Variants in SNX29 observed in about 807,000 individuals in gnomAD.
The protein encoded by SNX29 is sorting nexin 29.
A neutral mutation model predicts 102.1 loss-of-function variants in SNX29; 78 were observed. The ratio of observed to expected loss-of-function variants is 0.76; its 90% CI spans 0.64 to 0.92. The LOEUF (loss-of-function observed/expected upper bound fraction) is 0.92, where lower values mean the gene tolerates loss of function less well. Among genes scored for constraint, SNX29 ranks in the 40% least tolerant of loss-of-function variants. The pLI is 0.00. For synonymous variants in SNX29, 580 were observed against 414.5 expected (o/e 1.40, Z -4.85); for missense variants, 1,280 against 1,061.7 (o/e 1.21, Z -2.86).
chr16:12,562,568 C>T (rs867314168), intron 20 of SNX29, among the ~76,000 whole-genome samples: 2 of 152,284 alleles, frequency 1.3e-5, no homozygotes, highest in Middle Eastern at 3.4e-3. Flanking sequence ...TCCCCGTGGT[C>T]CCTAGTTTTT....
At chr16:12,479,018 A>T (rs1387484415) in intron 19 of SNX29, among the ~76,000 whole-genome samples, 1 of 152,180 alleles carries the variant, frequency 6.6e-6, no homozygotes, top group Non-Finnish European at 1.5e-5. Context: ...CGGGCATTGT[A>T]TTGAGCATGA....
intron 12 of SNX29, among the ~76,000 whole-genome samples, chr16:12,127,464 C>G (rs2054267211): frequency 6.7e-6 from 1 of 148,700 alleles, no homozygotes; most frequent in African/African-American, 2.5e-5. Flanking sequence ...CTCTGTCACC[C>G]AGGCTGGAAT....
intron 17 of SNX29, among the ~76,000 whole-genome samples, chr16:12,402,420 A>G (rs749803130): frequency 5.3e-5 from 8 of 152,260 alleles, no homozygotes; most frequent in Admixed American, 3.9e-4. Flanking sequence ...AGGAGAGCTC[A>G]GGAGAAAGCA....
intron 20 of SNX29, among the ~76,000 whole-genome samples, chr16:12,563,052 G>A (rs67316342): frequency 0.26 from 39,654 of 151,836 alleles, 5,748 homozygotes; most frequent in East Asian, 0.44. Context: ...AGGTCACCTC[G>A]AAATGTAGGT....
intron 14 of SNX29, among the ~76,000 whole-genome samples, chr16:12,233,835 A>G (rs1165092543): frequency 4.6e-5 from 7 of 152,134 alleles, no homozygotes; most frequent in African/African-American, 1.7e-4. Flanking sequence ...TGGACACTTC[A>G]TATCAGTGGA....
chr16:12,219,931 T>C (rs918669859), intron 14 of SNX29, among the ~76,000 whole-genome samples: 1 of 152,174 alleles, frequency 6.6e-6, no homozygotes, highest in East Asian at 1.9e-4. Context: ...CACACACGTG[T>C]ACACACACGT....
At chr16:12,146,153 C>T (rs2141546677) in intron 13 of SNX29, among the ~76,000 whole-genome samples, 1 of 152,276 alleles carries the variant, frequency 6.6e-6, no homozygotes, top group South Asian at 2.1e-4. Context: ...CCAGTGTGAG[C>T]TTATAGATAA....
chr16:12,553,647 A>C (rs536431048), intron 20 of SNX29, among the ~76,000 whole-genome samples: 1 of 137,546 alleles, frequency 7.3e-6, no homozygotes, highest in Non-Finnish European at 1.5e-5. Flanking sequence ...CTGGAGTGCA[A>C]TGACGTGATC....
chr16:12,457,423 G>A (rs1410089673), intron 18 of SNX29, among the ~76,000 whole-genome samples: 1 of 152,160 alleles, frequency 6.6e-6, no homozygotes, highest in Non-Finnish European at 1.5e-5. Flanking sequence ...TTAGTGATTG[G>A]GAGGCATCTG....
At chr16:12,128,898 C>T (rs149304764) in intron 12 of SNX29, among the ~76,000 whole-genome samples, 20 of 152,252 alleles carry the variant, frequency 1.3e-4, no homozygotes, top group Non-Finnish European at 2.4e-4. Context: ...CTCTCCTAGG[C>T]GGTCACTGGT....
chr16:12,429,148 C>A (rs150159072), intron 18 of SNX29, among the ~76,000 whole-genome samples: 1 of 151,906 alleles, frequency 6.6e-6, no homozygotes, highest in African/African-American at 2.4e-5. Flanking sequence ...CACATAGATA[C>A]GATTGCAATT....
At chr16:12,109,849 G>A (rs1225399950) in intron 11 of SNX29, among the ~76,000 whole-genome samples, 1 of 152,072 alleles carries the variant, frequency 6.6e-6, no homozygotes, top group African/African-American at 2.4e-5. Flanking sequence ...TCCTGCCTCA[G>A]CCTCCCAAGT....
chr16:12,528,704 G>A (rs2076852628), intron 20 of SNX29, among the ~76,000 whole-genome samples: 1 of 152,194 alleles, frequency 6.6e-6, no homozygotes, highest in East Asian at 1.9e-4. Context: ...GGAGTTTGCA[G>A]TCCTGGCTCT....
chr16:12,562,289 C>T (rs909785732), intron 20 of SNX29, among the ~76,000 whole-genome samples: 4 of 152,206 alleles, frequency 2.6e-5, no homozygotes, highest in South Asian at 4.1e-4. Flanking sequence ...TCTATCCCAG[C>T]ATCAAACGTT....
intron 4 of SNX29, among the ~76,000 whole-genome samples, chr16:12,036,208 G>C (rs1179365383): frequency 2.0e-5 from 3 of 152,220 alleles, no homozygotes; most frequent in African/African-American, 7.2e-5. Context: ...CCAAGTAGCT[G>C]GGACGACAGG....
At chr16:12,451,758 G>A (rs2086308669) in intron 18 of SNX29, among the ~76,000 whole-genome samples, 1 of 152,190 alleles carries the variant, frequency 6.6e-6, no homozygotes, top group Admixed American at 6.5e-5. Context: ...CAGCTACTAG[G>A]GAGGCTGAGG....
In SNX29 at chr16:12,571,794, C is replaced by A. The variant is rs2079193208; in HGVS notation, c.*3165C>A. 9.9e-7 allele frequency: 1 copy of A among 1,012,668 alleles called. No homozygotes were observed. Among genetic ancestry groups the A allele is most frequent in the Non-Finnish European group, 1.2e-6 (1 of 832,534 alleles). The allele number at this position is 1,012,668 out of a possible 1,614,324, so 62.7% of individuals were successfully genotyped here. On this transcript the variant is annotated 3_prime_UTR_variant, in exon 21 of 21. Transcript: ENST00000566228. The stretch of plus-strand genomic sequence containing the variant: ...AGAACCTTCTCCGCCACTCTTCCTG[C>A]AATCAGTGTGAAATTCCAGCTTCTT...
chr16:11,987,608 G>T (rs572031295), intron 1 of SNX29, among the ~76,000 whole-genome samples: 1 of 152,192 alleles, frequency 6.6e-6, no homozygotes, highest in East Asian at 1.9e-4. Context: ...TGTTGGCCAG[G>T]CTGGTCTTAA....
intron 20 of SNX29, chr16:12,527,059 A>G (rs2076803877): frequency 2.4e-6 from 1 of 418,782 alleles, no homozygotes; most frequent in African/African-American, 2.0e-5. Flanking sequence ...TTTTGACTAC[A>G]TGTTGGTCTA....
Sources: gnomAD v4.1 joint callset for allele counts (sites outside exome capture counted in the v4.1 genomes callset) on GRCh38, gnomAD v4.1.1 for gene constraint, MANE v1.5 for transcripts, NCBI Gene and HGNC (gene_info 2026-07-23, HGNC 2026-07-21) for gene names.